ALDH1A3: variants seen among roughly 807,000 people sequenced by gnomAD.
ALDH1A3 encodes the protein aldehyde dehydrogenase 1 family member A3.
ALDH1A3 carries 28 observed loss-of-function variants against 57.5 expected under a neutral mutation model. The ratio of observed to expected loss-of-function variants is 0.49; its 90% CI spans 0.36 to 0.67. ALDH1A3 has a LOEUF of 0.67. ALDH1A3 is among the 30% of genes least tolerant of loss of function. The pLI is 0.00. For synonymous variants in ALDH1A3, 281 were observed against 264.8 expected, an observed-to-expected ratio of 1.06 and a Z score of -0.59; for missense variants, 507 against 669.4, an observed-to-expected ratio of 0.76 and a Z score of 2.68.
chr15:100,907,844 C>CTTTTTTTTTTTTTTTTTT (rs71151987), intron 11 of ALDH1A3, among the ~76,000 whole-genome samples: 9 of 81,908 alleles, frequency 1.1e-4, no homozygotes, highest in Non-Finnish European at 1.3e-4. Flanking sequence ...TTCTTTCTTT[C>CTTTTTTTTTTTTTTTTTT]TTTTTTTTTT....
Position 100,894,329 on chromosome 15 carries a change from T to G in ALDH1A3, c.666+247T>G, listed in dbSNP as rs918628975. 3 of 427,956 alleles carry G rather than the reference T, an allele frequency of 7.0e-6. No homozygotes were observed. The highest frequency in any genetic ancestry group is 1.3e-5 in the Non-Finnish European group (3 of 237,736). The allele number at this position is 427,956 out of a possible 1,614,324, so 26.5% of individuals were successfully genotyped here. ...AACTCTTATTATGGGCTCAAACCTA[T>G]GGTTGAGGACCCAGTGGTTTGTCTA... On this transcript the variant is annotated intron_variant, in intron 6 of 12. Transcript: ENST00000329841. This position sits in a 1 kb window ranked among gnomAD's most constrained non-coding sequence, Gnocchi z 4.5.
In ALDH1A3 at chr15:100,894,189, G is replaced by C; in HGVS notation, c.666+107G>C. 7.2e-7 allele frequency: 1 copy of C among 1,396,338 alleles called. No individual in the cohort carries two copies. Among genetic ancestry groups the C allele is most frequent in the Non-Finnish European group, 9.8e-7 (1 of 1,021,746 alleles). The allele number at this position is 1,396,338 out of a possible 1,614,324, so 86.5% of individuals were successfully genotyped here. Reference sequence around the variant, plus strand: ...ACAGTGGCAGACTGCTGGCAATCGAGTGGGAAGGGAATGACTTCCAGTGTT... The same window carrying C: ...ACAGTGGCAGACTGCTGGCAATCGACTGGGAAGGGAATGACTTCCAGTGTT... On this transcript the variant is annotated intron_variant, in intron 6 of 12. Coordinates refer to ENST00000329841, the MANE Select transcript of ALDH1A3 (RefSeq NM_000693.4). This position sits in a 1 kb window ranked among gnomAD's most constrained non-coding sequence, Gnocchi z 4.5.
intron 1 of ALDH1A3, among the ~76,000 whole-genome samples, chr15:100,882,421 C>G (rs1207610506): frequency 6.6e-6 from 1 of 152,212 alleles, no homozygotes; most frequent in Non-Finnish European, 1.5e-5. Context: ...CAGGGATTCT[C>G]TTCAAAGTTT....
At chr15:100,895,748 G>A (rs2085123524) in intron 6 of ALDH1A3, 185 bp from the exon 7 acceptor site, 1 of 601,096 alleles carries the variant, frequency 1.7e-6, no homozygotes, top group African/African-American at 1.9e-5. Flanking sequence ...CTGGCAGCAG[G>A]GGATGAGAAG....
rs980043871 is a variant in ALDH1A3, at chr15:100,889,514, C to T, written c.345+1802C>T. 6.6e-6 allele frequency among the ~76,000 whole-genome samples: 1 copy of T among 152,196 alleles called. No homozygotes were observed. The highest frequency in any genetic ancestry group is 2.4e-5 in the African/African-American group (1 of 41,448). On this transcript the variant is annotated intron_variant, in intron 3 of 12. Transcript: ENST00000329841. The surrounding 1 kb of genome is among the most constrained non-coding windows in gnomAD (Gnocchi z 5.1). Reference sequence around the variant, plus strand: ...CCTGCAACGTAAGCCAGCGTCAACCCTCAAGCTGCCAAACTGGCTTTTTCA... The same window carrying T: ...CCTGCAACGTAAGCCAGCGTCAACCTTCAAGCTGCCAAACTGGCTTTTTCA...
At chr15:100,898,706 C>T (rs2041736527) in intron 8 of ALDH1A3, among the ~76,000 whole-genome samples, 1 of 152,220 alleles carries the variant, frequency 6.6e-6, no homozygotes, top group African/African-American at 2.4e-5. Flanking sequence ...TTCAAATTAC[C>T]CGCTTTGCCT....
At chr15:100,911,013 C>T (rs2041877962) in intron 12 of ALDH1A3, among the ~76,000 whole-genome samples, 2 of 152,256 alleles carry the variant, frequency 1.3e-5, no homozygotes. Context: ...ACTCACTGGA[C>T]ACAGCCCATG....
intron 9 of ALDH1A3, among the ~76,000 whole-genome samples, chr15:100,902,853 G>T (rs1168728572): frequency 6.6e-6 from 1 of 152,236 alleles, no homozygotes; most frequent in Non-Finnish European, 1.5e-5. Context: ...ACCCAGCACT[G>T]CCTGCAGGAC....
rs1299064465 is a variant in ALDH1A3 at position 100,889,079 on chromosome 15, C to G, written c.345+1367C>G. ...GAGTGATCAGAGGACATCTCAGGGC[C>G]ACGTTGGGCCATGAGGTCCTTTGCA... is the stretch of plus-strand genomic sequence containing the variant. On this transcript the variant is annotated intron_variant, in intron 3 of 12. Transcript: ENST00000329841. The surrounding 1 kb of genome is among the most constrained non-coding windows in gnomAD (Gnocchi z 5.1). 6.6e-6 allele frequency: 1 copy of G among 152,260 alleles called. No homozygotes were observed. The highest frequency in any genetic ancestry group is 6.5e-5 in the Admixed American group (1 of 15,286). 9.4% of individuals were successfully genotyped at this position (152,260 alleles called of 1,614,324 possible). A position where few individuals can be genotyped will look rare whatever the true frequency, so the allele number is the denominator to read the frequency against.
Position 100,879,836 on chromosome 15 carries a change from G to T in ALDH1A3, c.-72G>T. 1 of 1,149,190 alleles carries T rather than the reference G, an allele frequency of 8.7e-7. No individual in the cohort carries two copies. Among genetic ancestry groups the T allele is most frequent in the African/African-American group, 1.6e-5 (1 of 61,924 alleles). The allele number at this position is 1,149,190 out of a possible 1,614,324, so 71.2% of individuals were successfully genotyped here. ...CGGGGAGCTGCCACCCCGGGAGCGG[G>T]CTGCGCAGTGTCCGGGCCGAGCCGG... On this transcript the variant is annotated 5_prime_UTR_variant, in exon 1 of 13. Coordinates refer to ENST00000329841, the MANE Select transcript of ALDH1A3 (RefSeq NM_000693.4).
chr15:100,898,033 C>A, intron 7 of ALDH1A3, 50 bp from the exon 8 acceptor site: 1 of 1,567,462 alleles, frequency 6.4e-7, no homozygotes, highest in South Asian at 1.1e-5. Context: ...ACGCCTGGGC[C>A]AAGTTCAGCA....
Position 100,879,929 on chromosome 15 carries a change from G to A in ALDH1A3, c.22G>A (p.Val8Met). 1 of 1,466,058 alleles carries A rather than the reference G, an allele frequency of 6.8e-7. No individual in the cohort carries two copies. The highest frequency in any genetic ancestry group is 9.0e-7 in the Non-Finnish European group (1 of 1,107,468). 90.8% of individuals were successfully genotyped at this position (1,466,058 alleles called of 1,614,324 possible). A position where few individuals can be genotyped will look rare whatever the true frequency, so the allele number is the denominator to read the frequency against. Residue 8 changes from valine to methionine, a missense_variant, in exon 1 of 13, where the codon GTG (valine) becomes ATG (methionine). Physicochemically the swap from Val to Met is conservative, Grantham distance 21. Transcript: ENST00000329841. Reference protein sequence around the residue: MATANGAVENGQPDRKPP... With the variant: MATANGAMENGQPDRKPP... The stretch of plus-strand genomic sequence containing the variant: ...AGCCATGGCCACCGCTAACGGGGCC[G>A]TGGAAAACGGGCAGCCGGACAGGAA...
At chr15:100,901,119 C>T (rs1382836182) in intron 9 of ALDH1A3, among the ~76,000 whole-genome samples, 1 of 152,116 alleles carries the variant, frequency 6.6e-6, no homozygotes, top group Non-Finnish European at 1.5e-5. Flanking sequence ...CAGCCCGAGG[C>T]CCTCAAGCCC....
chr15:100,880,046 C>T (rs771667326), intron 1 of ALDH1A3, 40 bp downstream of exon 1: 2 of 1,373,614 alleles, frequency 1.5e-6, no homozygotes, highest in South Asian at 3.2e-5. Context: ...CCGCGGGCCC[C>T]TGCGCTGGGC....
intron 8 of ALDH1A3, among the ~76,000 whole-genome samples, 154 bp downstream of exon 8, chr15:100,898,339 AG>A (rs1320810905): frequency 1.3e-5 from 2 of 152,264 alleles, no homozygotes; most frequent in Non-Finnish European, 2.9e-5. Context: ...ACAGTCAGCC[AG>A]CCGCAGACAG....
intron 12 of ALDH1A3, among the ~76,000 whole-genome samples, chr15:100,910,720 C>T (rs1363569918): frequency 6.6e-6 from 1 of 152,198 alleles, no homozygotes; most frequent in Non-Finnish European, 1.5e-5. Flanking sequence ...TCATTTGTCT[C>T]CTTTCATCTG....
In ALDH1A3 at chr15:100,889,590, T is replaced by G. The variant is rs2041629078; in HGVS notation, c.345+1878T>G. 6.6e-6 allele frequency among the ~76,000 whole-genome samples: 1 copy of G among 152,214 alleles called. No homozygotes were observed. The highest frequency in any genetic ancestry group is 2.1e-4 in the South Asian group (1 of 4,830). ...TGAGCTCATCGGTCGGCAATGTCCGTGTGGACTAATAGCAGGCTAGAGAGG... is the reference window on the plus strand; with the variant it reads ...TGAGCTCATCGGTCGGCAATGTCCGGGTGGACTAATAGCAGGCTAGAGAGG... On this transcript the variant is annotated intron_variant, in intron 3 of 12. Transcript: ENST00000329841. This position sits in a 1 kb window ranked among gnomAD's most constrained non-coding sequence, Gnocchi z 5.1.
rs1367195514 is a variant in ALDH1A3 at position 100,906,440 on chromosome 15, A to T, written c.1234-681A>T. On this transcript the variant is annotated intron_variant, in intron 10 of 12. Transcript: ENST00000329841. This position sits in a 1 kb window ranked among gnomAD's most constrained non-coding sequence, Gnocchi z 4.8. ...TGAGATTGTTATGTGCCGTGATGGC[A>T]TGAAGCTCAGCTCCTTAAACATCCC... Among the ~76,000 whole-genome samples the T allele has an allele frequency of 6.6e-6, 1 of 152,230 alleles. No homozygotes were observed. Among genetic ancestry groups the T allele is most frequent in the Non-Finnish European group, 1.5e-5 (1 of 68,042 alleles).
At chr15:100,907,019 T>A (rs993998896) in intron 10 of ALDH1A3, 102 bp from the exon 11 acceptor site, 2 of 1,350,992 alleles carry the variant, frequency 1.5e-6, no homozygotes, top group African/African-American at 2.9e-5. Context: ...ATGTGTGTGC[T>A]CTGGGCATAT....
Sources: allele counts gnomAD v4.1 joint callset (sites outside exome capture counted in the v4.1 genomes callset), GRCh38; gene constraint gnomAD v4.1.1; non-coding constraint Gnocchi (gnomAD v3.1); transcripts MANE v1.5; gene names NCBI Gene and HGNC (gene_info 2026-07-23, HGNC 2026-07-21).